Variants in EXOC6B observed in about 807,000 individuals in gnomAD.
EXOC6B encodes SEC15 homolog B.
EXOC6B carries 54 observed loss-of-function variants against 113.5 expected under a neutral mutation model. That is an observed-to-expected ratio of 0.48 (90% confidence interval 0.38 to 0.60). The LOEUF is 0.60. Among genes scored for constraint, EXOC6B ranks in the 20% least tolerant of loss-of-function variants. The pLI is 0.00. For missense variants in EXOC6B, 797 were observed against 977.5 expected (o/e 0.82, Z 2.46); for synonymous variants, 357 against 339.0 (o/e 1.05, Z -0.58).
intron 19 of EXOC6B, among the ~76,000 whole-genome samples, chr2:72,352,960 C>CA (rs1689750637): frequency 6.6e-6 from 1 of 151,646 alleles, no homozygotes; most frequent in Non-Finnish European, 1.5e-5. Flanking sequence ...AAGTGAGGGC[C>CA]AAAAAATATA....
intron 20 of EXOC6B, among the ~76,000 whole-genome samples, chr2:72,300,223 A>G (rs990211982): frequency 6.6e-5 from 10 of 152,052 alleles, no homozygotes; most frequent in Non-Finnish European, 5.9e-5. Flanking sequence ...GCCCTGCCCA[A>G]AGAGGTGGAA....
At chr2:72,650,703 G>A (rs1429177422) in intron 6 of EXOC6B, among the ~76,000 whole-genome samples, 1 of 151,850 alleles carries the variant, frequency 6.6e-6, no homozygotes, top group Non-Finnish European at 1.5e-5. Context: ...ATATAGGAAT[G>A]GTAAATATGC....
chr2:72,507,100 CTAA>C (rs1465409052), intron 11 of EXOC6B, among the ~76,000 whole-genome samples: 1 of 151,942 alleles, frequency 6.6e-6, no homozygotes, highest in East Asian at 1.9e-4. Context: ...TCAATTTATA[CTAA>C]TAATTTAATC....
At chr2:72,392,816 T>C (rs1450848496) in intron 18 of EXOC6B, among the ~76,000 whole-genome samples, 2 of 152,164 alleles carry the variant, frequency 1.3e-5, no homozygotes, top group Admixed American at 6.5e-5. Context: ...AGTTTTGCCC[T>C]TACTCTGAAA....
At chr2:72,352,731 A>ATT (rs201972771) in intron 19 of EXOC6B, among the ~76,000 whole-genome samples, 15,591 of 144,852 alleles carry the variant, frequency 0.11, 872 homozygotes, top group African/African-American at 0.14. Flanking sequence ...GACTGTAATC[A>ATT]TTTTTTTTTT....
intron 8 of EXOC6B, among the ~76,000 whole-genome samples, chr2:72,542,078 A>G (rs1702634891): frequency 2.0e-5 from 3 of 152,224 alleles, no homozygotes; most frequent in Non-Finnish European, 4.4e-5. Context: ...ATAGAACAAC[A>G]AACTATACTA....
intron 20 of EXOC6B, among the ~76,000 whole-genome samples, chr2:72,251,315 A>C (rs1416989476): frequency 2.0e-5 from 3 of 152,170 alleles, no homozygotes; most frequent in Non-Finnish European, 4.4e-5. Flanking sequence ...TTTGTTTTCC[A>C]CCACATTATA....
intron 6 of EXOC6B, among the ~76,000 whole-genome samples, chr2:72,593,952 T>C (rs998857283): frequency 2.0e-5 from 3 of 152,106 alleles, no homozygotes; most frequent in African/African-American, 7.2e-5. Flanking sequence ...CCCTAGTAAA[T>C]TCTATCAAAC....
At chr2:72,521,727 C>T (rs1239458229) in intron 8 of EXOC6B, among the ~76,000 whole-genome samples, 1 of 152,050 alleles carries the variant, frequency 6.6e-6, no homozygotes, top group Non-Finnish European at 1.5e-5. Flanking sequence ...GATGGAGTCT[C>T]GCTCTGTCAC....
chr2:72,316,976 A>G (rs2104812271), intron 20 of EXOC6B, among the ~76,000 whole-genome samples: 1 of 152,298 alleles, frequency 6.6e-6, no homozygotes, highest in East Asian at 1.9e-4. Context: ...CAGCTTTGGG[A>G]TCAAGGAGGT....
chr2:72,532,146 T>C (rs537706946), intron 8 of EXOC6B, among the ~76,000 whole-genome samples: 1 of 152,284 alleles, frequency 6.6e-6, no homozygotes, highest in Admixed American at 6.5e-5. Context: ...ATGCATGAAT[T>C]TCAAAACATA....
At chr2:72,330,127 G>A (rs1340198849) in intron 20 of EXOC6B, among the ~76,000 whole-genome samples, 1 of 152,036 alleles carries the variant, frequency 6.6e-6, no homozygotes, top group Non-Finnish European at 1.5e-5. Flanking sequence ...AATAACTGTT[G>A]GGGCCAAGGA....
chr2:72,762,648 T>A (rs1682811852), intron 1 of EXOC6B, among the ~76,000 whole-genome samples: 1 of 152,036 alleles, frequency 6.6e-6, no homozygotes, highest in Admixed American at 6.6e-5. Context: ...CTATAAAAAC[T>A]GTTAAAGTAA....
chr2:72,362,452 T>A (rs1354354405), intron 19 of EXOC6B, among the ~76,000 whole-genome samples: 2 of 152,048 alleles, frequency 1.3e-5, no homozygotes, highest in Non-Finnish European at 2.9e-5. Flanking sequence ...GGCATATACA[T>A]AAAGAAATAA....
chr2:72,745,434 C>T (rs1681631215), intron 1 of EXOC6B, among the ~76,000 whole-genome samples: 1 of 151,822 alleles, frequency 6.6e-6, no homozygotes, highest in Non-Finnish European at 1.5e-5. Context: ...TGCAGTAGAT[C>T]GCCAGAGTAT....
At chr2:72,195,921 T>C (rs1679140085) in intron 20 of EXOC6B, among the ~76,000 whole-genome samples, 3 of 152,220 alleles carry the variant, frequency 2.0e-5, no homozygotes, top group African/African-American at 7.2e-5. Context: ...TTAATATTAG[T>C]ATGTGTGTAT....
At chr2:72,642,742 A>G (rs1412421854) in intron 6 of EXOC6B, among the ~76,000 whole-genome samples, 1 of 151,384 alleles carries the variant, frequency 6.6e-6, no homozygotes, top group Non-Finnish European at 1.5e-5. Flanking sequence ...AGCAATGGCA[A>G]CAAAAGACAA....
intron 18 of EXOC6B, among the ~76,000 whole-genome samples, chr2:72,422,600 G>A (rs1694960216): frequency 6.6e-6 from 1 of 151,986 alleles, no homozygotes; most frequent in Non-Finnish European, 1.5e-5. Flanking sequence ...TCAGCACCCT[G>A]TGTGTAGCTC....
chr2:72,283,414 A>G (rs1053876594), intron 20 of EXOC6B, among the ~76,000 whole-genome samples: 1 of 152,160 alleles, frequency 6.6e-6, no homozygotes, highest in Non-Finnish European at 1.5e-5. Context: ...AAGGACAGAT[A>G]GATAAAGAGA....
Sources: gnomAD v4.1 joint callset for allele counts (sites outside exome capture counted in the v4.1 genomes callset) on GRCh38, gnomAD v4.1.1 for gene constraint, MANE v1.5 for transcripts, NCBI Gene and HGNC (gene_info 2026-07-23, HGNC 2026-07-21) for gene names.